Variants in WDPCP observed in about 807,000 individuals in gnomAD.
WDPCP encodes the protein WD repeat-containing and planar cell polarity effector protein fritz homolog.
A neutral mutation model predicts 93.1 loss-of-function variants in WDPCP; 71 were observed. That is an observed-to-expected ratio of 0.76 (90% CI 0.63 to 0.93). The LOEUF is 0.93. Among genes scored for constraint, WDPCP ranks in the 40% least tolerant of loss-of-function variants. The probability of loss-of-function intolerance (pLI) is 0.00; values close to 1 mark genes in which losing one functional copy is unlikely to be tolerated. For synonymous variants in WDPCP, 315 were observed against 315.0 expected (o/e 1.00, Z 0.00); for missense variants, 844 against 887.4 (o/e 0.95, Z 0.62).
intron 17 of WDPCP, among the ~76,000 whole-genome samples, chr2:63,133,068 C>T (rs962595943): frequency 1.3e-5 from 2 of 152,216 alleles, no homozygotes; most frequent in East Asian, 1.9e-4. Context: ...ATTTTGAGAT[C>T]ACATCAAAGA....
chr2:63,432,012 C>G (rs954380553), intron 9 of WDPCP, among the ~76,000 whole-genome samples: 3 of 151,588 alleles, frequency 2.0e-5, no homozygotes, highest in East Asian at 1.9e-4. Context: ...AAAAAACAAC[C>G]CTTTAAAAAT....
intron 11 of WDPCP, 48 bp downstream of exon 11, chr2:63,381,858 T>C: frequency 6.3e-7 from 1 of 1,591,874 alleles, no homozygotes; most frequent in Non-Finnish European, 8.6e-7. Flanking sequence ...ATAAAATCTA[T>C]TTCATGTATA....
intron 2 of WDPCP, among the ~76,000 whole-genome samples, chr2:63,677,146 A>G (rs1207206920): frequency 2.0e-5 from 3 of 152,238 alleles, no homozygotes; most frequent in African/African-American, 4.8e-5. Flanking sequence ...TGCAACCAGT[A>G]TTGAGAACCA....
intron 14 of WDPCP, among the ~76,000 whole-genome samples, chr2:63,244,890 C>G (rs1030475028): frequency 1.3e-5 from 2 of 152,132 alleles, no homozygotes; most frequent in Non-Finnish European, 1.5e-5. Flanking sequence ...TCTGCAACTT[C>G]TATCAGTGTG....
chr2:63,599,118 TA>T, intron 3 of WDPCP: 5 of 1,553,888 alleles, frequency 3.2e-6, no homozygotes, highest in Non-Finnish European at 4.4e-6. Flanking sequence ...TAACATAGAT[TA>T]GTTAGTAACT....
intron 9 of WDPCP, among the ~76,000 whole-genome samples, chr2:63,409,035 C>T (rs1694818138): frequency 6.6e-6 from 1 of 152,174 alleles, no homozygotes; most frequent in South Asian, 2.1e-4. Flanking sequence ...GGTCCCTCTC[C>T]ATAATACCAC....
chr2:63,316,505 G>C (rs1271331450), intron 12 of WDPCP, among the ~76,000 whole-genome samples: 1 of 151,658 alleles, frequency 6.6e-6, no homozygotes, highest in African/African-American at 2.4e-5. Context: ...ATACAAAACT[G>C]AGCCAGATAT....
At chr2:63,402,504 G>A (rs745951599) in intron 10 of WDPCP, among the ~76,000 whole-genome samples, 15 of 152,058 alleles carry the variant, frequency 9.9e-5, no homozygotes, top group Non-Finnish European at 1.6e-4. Context: ...TAAAATAAAA[G>A]TGGGCAAAGG....
intron 9 of WDPCP, 23 bp from the exon 10 acceptor site, chr2:63,404,680 C>T: frequency 6.2e-7 from 1 of 1,613,354 alleles, no homozygotes; most frequent in Non-Finnish European, 8.5e-7. Flanking sequence ...ATATCAAGTA[C>T]ATTCAGATAA....
chr2:63,611,810 A>T (rs1398449004), intron 3 of WDPCP, among the ~76,000 whole-genome samples: 1 of 152,194 alleles, frequency 6.6e-6, no homozygotes, highest in Admixed American at 6.5e-5. Flanking sequence ...AGTTCAATAC[A>T]CATTGTTGAA....
intron 2 of WDPCP, among the ~76,000 whole-genome samples, chr2:63,711,021 G>C (rs1482853469): frequency 1.3e-5 from 2 of 152,176 alleles, no homozygotes; most frequent in Non-Finnish European, 2.9e-5. Flanking sequence ...GAAACAACCA[G>C]CATATTTTGA....
At chr2:63,534,288 G>A (rs1425943388) in intron 1 of WDPCP, among the ~76,000 whole-genome samples, 2 of 152,170 alleles carry the variant, frequency 1.3e-5, no homozygotes, top group Admixed American at 6.5e-5. Flanking sequence ...GGTACAAAGA[G>A]GAGCCGGTAC....
rs115587688 is a variant in WDPCP, at chr2:63,771,208, G to A, written n.308+42414C>T. The stretch of plus-strand genomic sequence containing the variant: ...GGCATGAATCTCTAATATCGAGAAT[G>A]AAAAGGAGATATCACTATAAAGTCA... On this transcript the variant is annotated intron_variant and non_coding_transcript_variant, in intron 2 of 4. Transcript: ENST00000467687. 4.2e-3 allele frequency among the ~76,000 whole-genome samples: 632 copies of A among 151,504 alleles called. 3 individuals are homozygous for A. Among genetic ancestry groups the A allele is most frequent in the African/African-American group, 0.014 (592 of 41,412 alleles).
intron 2 of WDPCP, among the ~76,000 whole-genome samples, chr2:63,724,836 T>G (rs1669475089): frequency 6.6e-6 from 1 of 152,218 alleles, no homozygotes; most frequent in Non-Finnish European, 1.5e-5. Context: ...AAAGCCCACC[T>G]CTGCCAGCAC....
chr2:63,551,939 T>C (rs1387325136), intron 1 of WDPCP, among the ~76,000 whole-genome samples: 1 of 147,516 alleles, frequency 6.8e-6, no homozygotes, highest in Non-Finnish European at 1.5e-5. Flanking sequence ...AATATGAATA[T>C]TCTGTTTTGC....
intron 6 of WDPCP, chr2:63,477,861 A>G (rs1279773730): frequency 6.6e-6 from 1 of 152,214 alleles, no homozygotes; most frequent in African/African-American, 2.4e-5. Context: ...AAAAGGGTAG[A>G]AGCAGCAGTG....
chr2:63,831,609 T>C (rs1334599806), upstream of WDPCP, among the ~76,000 whole-genome samples: 2 of 152,188 alleles, frequency 1.3e-5, no homozygotes, highest in Non-Finnish European at 2.9e-5. Flanking sequence ...TCCTCGTTTT[T>C]AAACATTTAA....
chr2:63,482,544 C>T (rs1013782343), intron 6 of WDPCP, among the ~76,000 whole-genome samples: 3 of 151,884 alleles, frequency 2.0e-5, no homozygotes, highest in South Asian at 2.1e-4. Context: ...AAGCTAATAA[C>T]GTAGCTTGAA....
At chr2:63,411,921 C>T (rs958287469) in intron 9 of WDPCP, among the ~76,000 whole-genome samples, 2 of 152,000 alleles carry the variant, frequency 1.3e-5, no homozygotes, top group East Asian at 1.9e-4. Context: ...CAGGATCAGA[C>T]GGATTCACAG....
Sources: gnomAD v4.1 joint callset for allele counts (sites outside exome capture counted in the v4.1 genomes callset) on GRCh38, gnomAD v4.1.1 for gene constraint, MANE v1.5 for transcripts, NCBI Gene and HGNC (gene_info 2026-07-23, HGNC 2026-07-21) for gene names.